Variants in NR2F2 observed in about 807,000 individuals in gnomAD.
The protein encoded by NR2F2 is COUP transcription factor 2.
A neutral mutation model predicts 34.8 loss-of-function variants in NR2F2; 2 were observed. The observed-to-expected ratio is 0.06, with a 90% confidence interval of 0.02 to 0.18. NR2F2 has a LOEUF of 0.18. NR2F2 is among the 10% of genes least tolerant of loss of function. The probability of loss-of-function intolerance (pLI) is 1.00; values close to 1 mark genes in which losing one functional copy is unlikely to be tolerated. For synonymous variants in NR2F2, 274 were observed against 251.8 expected, an observed-to-expected ratio of 1.09 and a Z score of -0.84; for missense variants, 300 against 580.1, an observed-to-expected ratio of 0.52 and a Z score of 4.96.
At chr15:96,334,708 G>A (rs1031829427) in intron 2 of NR2F2, 105 bp downstream of exon 2, 10 of 1,290,944 alleles carry the variant, frequency 7.7e-6, no homozygotes, top group African/African-American at 3.0e-5. Flanking sequence ...TCCTTGAAAG[G>A]CCAAACTGTT....
intron 1 of NR2F2, chr15:96,333,505 C>T (rs551175771): frequency 2.0e-6 from 2 of 1,002,564 alleles, no homozygotes; most frequent in Non-Finnish European, 2.4e-6. Context: ...CCGTCTCTTT[C>T]TCCGAGCACA....
At position 96,340,196 on chromosome 15, in the gene NR2F2, A is replaced by C. The variant is rs1899463408; in HGVS notation, c.*2574A>C. ...GTTTGTTTTGTGTTAGTTTATTGTA[A>C]ACAGCCATTTGTTGTAAATTATTAT... On this transcript the variant is annotated 3_prime_UTR_variant, in exon 3 of 3. Coordinates refer to ENST00000394166, the MANE Select transcript of NR2F2 (RefSeq NM_021005.4). 1 of 152,154 alleles carries C rather than the reference A, an allele frequency of 6.6e-6. No homozygotes were observed. The highest frequency in any genetic ancestry group is 2.4e-5 in the African/African-American group (1 of 41,426). 9.4% of individuals were successfully genotyped at this position (152,154 alleles called of 1,614,324 possible). A position where few individuals can be genotyped will look rare whatever the true frequency, so the allele number is the denominator to read the frequency against.
rs1596424211 is a variant in NR2F2, at chr15:96,331,884, C to G, written c.-222C>G. The G allele has an allele frequency of 8.3e-7, 1 of 1,207,706 alleles. No homozygotes were observed. Among genetic ancestry groups the G allele is most frequent in the Non-Finnish European group, 1.0e-6 (1 of 972,970 alleles). 74.8% of individuals were successfully genotyped at this position (1,207,706 alleles called of 1,614,324 possible). On this transcript the variant is annotated 5_prime_UTR_variant, in exon 1 of 3. Transcript: ENST00000394166. ...AACAAAACAAACACACCGGGCCAGA[C>G]AAGCCATCGACAAAACTTTGCAAAA...
upstream of NR2F2, chr15:96,327,083 G>A (rs1427712872): frequency 6.6e-6 from 1 of 152,002 alleles, no homozygotes; most frequent in African/African-American, 2.4e-5. Flanking sequence ...TTCAAGGAGC[G>A]GTTCCTCATT....
chr15:96,332,592 T>C, intron 1 of NR2F2, 45 bp downstream of exon 1: 2 of 1,591,580 alleles, frequency 1.3e-6, no homozygotes, highest in Non-Finnish European at 8.6e-7. Flanking sequence ...GGTCCCGGGG[T>C]CCTGGGTACG....
rs1465866757 is a variant in NR2F2, at chr15:96,330,725, C to A, written c.-1381C>A. The A allele has an allele frequency of 8.3e-6, 3 of 361,286 alleles. No individual in the cohort carries two copies. The highest frequency in any genetic ancestry group is 2.2e-5 in the African/African-American group (1 of 45,770). 22.4% of individuals were successfully genotyped at this position (361,286 alleles called of 1,614,324 possible). A position where few individuals can be genotyped will look rare whatever the true frequency, so the allele number is the denominator to read the frequency against. On this transcript the variant is annotated 5_prime_UTR_variant, in exon 1 of 3. Transcript: ENST00000394166. ...GAGAAGCCACTTCTGCCAGCCCCGGCGCCTATAAATCGCATTCCCTCCCGC... is the reference window on the plus strand; with the variant it reads ...GAGAAGCCACTTCTGCCAGCCCCGGAGCCTATAAATCGCATTCCCTCCCGC...
upstream of NR2F2, among the ~76,000 whole-genome samples, chr15:96,328,761 G>A (rs901862023): frequency 7.0e-6 from 1 of 142,774 alleles, no homozygotes; most frequent in Non-Finnish European, 1.5e-5. Flanking sequence ...TAGGTTTGCT[G>A]GGCTTTTTTT....
At chr15:96,329,216 A>T (rs1475982367), upstream of NR2F2, among the ~76,000 whole-genome samples, 2 of 152,138 alleles carry the variant, frequency 1.3e-5, no homozygotes, top group African/African-American at 4.8e-5. Flanking sequence ...AGGAGACACA[A>T]TTTTCTTGTA....
chr15:96,339,512 T>C lies in NR2F2; in HGVS notation c.*1890T>C, dbSNP rs537463378. On this transcript the variant is annotated 3_prime_UTR_variant, in exon 3 of 3. Coordinates refer to ENST00000394166, the MANE Select transcript of NR2F2 (RefSeq NM_021005.4). ...TGACCACAGGGTCAAGGGAATCTTT[T>C]CCATTGGAGTTATGTACATAAAAAC... 3.3e-5 allele frequency: 5 copies of C among 152,312 alleles called. No homozygotes were observed. Among genetic ancestry groups the C allele is most frequent in the African/African-American group, 4.8e-5 (2 of 41,554 alleles). 9.4% of individuals were successfully genotyped at this position (152,312 alleles called of 1,614,324 possible). A position where few individuals can be genotyped will look rare whatever the true frequency, so the allele number is the denominator to read the frequency against.
At chr15:96,332,645 C>T in intron 1 of NR2F2, 98 bp downstream of exon 1, 2 of 1,503,096 alleles carry the variant, frequency 1.3e-6, no homozygotes, top group Non-Finnish European at 1.8e-6. Flanking sequence ...GCCCCAAGCT[C>T]TTCTCTTCGT....
At chr15:96,332,940 TCA>T (rs1491554458) in intron 1 of NR2F2, among the ~76,000 whole-genome samples, 1 of 27,208 alleles carries the variant, frequency 3.7e-5, no homozygotes, top group African/African-American at 2.1e-4. Context: ...CCCCACCCTC[TCA>T]AAAAAAAAAA....
chr15:96,333,683 C>T, intron 1 of NR2F2: 1 of 1,126,168 alleles, frequency 8.9e-7, no homozygotes, highest in Non-Finnish European at 1.1e-6. Flanking sequence ...TCACCCTCCC[C>T]CCAGACTCGC....
intron 1 of NR2F2, 123 bp downstream of exon 1, chr15:96,332,670 G>T: frequency 6.8e-7 from 1 of 1,460,358 alleles, no homozygotes. Flanking sequence ...CAGCGGAAAA[G>T]GGTTTTATAC....
chr15:96,330,767 T>G lies in NR2F2; in HGVS notation c.-1339T>G. 19 of 842,538 alleles carry G rather than the reference T, an allele frequency of 2.3e-5. No homozygotes were observed. Among genetic ancestry groups the G allele is most frequent in the East Asian group, 6.2e-5 (1 of 16,188 alleles). The allele number at this position is 842,538 out of a possible 1,614,324, so 52.2% of individuals were successfully genotyped here. A position where few individuals can be genotyped will look rare whatever the true frequency, so the allele number is the denominator to read the frequency against. On this transcript the variant is annotated 5_prime_UTR_variant, in exon 1 of 3. Coordinates refer to ENST00000394166, the MANE Select transcript of NR2F2 (RefSeq NM_021005.4). ...CCCTCCCGCGCCCCCCTTTTTAGCA[T>G]ATTTGATCACTTTGATTCTCTGTTC...
At chr15:96,333,911 A>T in intron 1 of NR2F2, 165 bp from the exon 2 acceptor site, 1 of 1,456,112 alleles carries the variant, frequency 6.9e-7, no homozygotes, top group South Asian at 1.4e-5. Flanking sequence ...TTTGAAAGGA[A>T]TGGTGCCAAG....
chr15:96,337,894 G>A lies in NR2F2; in HGVS notation c.*272G>A, dbSNP rs1281713278. 1 of 306,138 alleles carries A rather than the reference G, an allele frequency of 3.3e-6. No individual in the cohort carries two copies. Among genetic ancestry groups the A allele is most frequent in the African/African-American group, 2.2e-5 (1 of 45,864 alleles). The allele number at this position is 306,138 out of a possible 1,614,324, so 19.0% of individuals were successfully genotyped here. A position where few individuals can be genotyped will look rare whatever the true frequency, so the allele number is the denominator to read the frequency against. On this transcript the variant is annotated 3_prime_UTR_variant, in exon 3 of 3. Transcript: ENST00000394166. ...TCATTTTTGTATAAAAAGGAAATTA[G>A]TCTTTTTCTTTTTTTGGTAAATTTT...
rs1292564980 is a variant in NR2F2 at position 96,334,446 on chromosome 15, C to T, written c.813C>T (p.Ala271=). 2.5e-6 allele frequency: 4 copies of T among 1,613,866 alleles called. No individual in the cohort carries two copies. Among genetic ancestry groups the T allele is most frequent in the South Asian group, 1.1e-5 (1 of 91,070 alleles). ...CCCTCCACGTCGCCCCGCTCCTGGC[C>T]GCCGCCGGCCTGCATGCTTCGCCCA... ...SMPLHVAPLL[A]AAGLHASPMS... is the part of the protein sequence containing the mutation. Residue 271 remains alanine (A), a synonymous_variant, in exon 2 of 3, where the codon GCC becomes GCT. Coordinates refer to ENST00000394166, the MANE Select transcript of NR2F2 (RefSeq NM_021005.4).
chr15:96,334,050 T>C (rs1371218649), intron 1 of NR2F2, 26 bp from the exon 2 acceptor site: 1 of 1,601,814 alleles, frequency 6.2e-7, no homozygotes, highest in African/African-American at 1.3e-5. Flanking sequence ...TCATTAACTG[T>C]GGAGTGTCTC....
intron 1 of NR2F2, chr15:96,333,373 C>T: frequency 1.0e-6 from 1 of 1,001,890 alleles, no homozygotes; most frequent in Non-Finnish European, 1.2e-6. Context: ...GGGCCCGAGC[C>T]TCGCCGGCTT....
Sources: gnomAD v4.1 joint callset for allele counts (sites outside exome capture counted in the v4.1 genomes callset) on GRCh38, gnomAD v4.1.1 for gene constraint, MANE v1.5 for transcripts, NCBI Gene and HGNC (gene_info 2026-07-23, HGNC 2026-07-21) for gene names.